The following MAD1L1 variants were observed in gnomAD, a reference collection of about 807,000 sequenced individuals.
MAD1L1 encodes mitotic arrest deficient 1 like 1.
Under a neutral mutation model 96.9 loss-of-function variants are expected in MAD1L1, and 95 were observed. That is an observed-to-expected ratio of 0.98 (90% CI 0.83 to 1.16). MAD1L1 has a LOEUF of 1.16. Among genes scored for constraint, MAD1L1 ranks in the 50% most tolerant of loss-of-function variants. The pLI, the probability that MAD1L1 is intolerant of heterozygous loss-of-function variation, is 0.00. For synonymous variants in MAD1L1, 473 were observed against 396.6 expected, an observed-to-expected ratio of 1.19 and a Z score of -2.29; for missense variants, 1,007 against 954.4, an observed-to-expected ratio of 1.06 and a Z score of -0.73.
intron 18 of MAD1L1, among the ~76,000 whole-genome samples, chr7:1,856,616 T>A (rs1295133592): frequency 6.6e-6 from 1 of 152,084 alleles, no homozygotes; most frequent in African/African-American, 2.4e-5. Flanking sequence ...GATTCATTAA[T>A]AAAGAAAAGT....
intron 10 of MAD1L1, among the ~76,000 whole-genome samples, chr7:2,154,754 GA>G (rs1789741737): frequency 6.6e-6 from 1 of 152,206 alleles, no homozygotes; most frequent in African/African-American, 2.4e-5. Context: ...ATCAGAAAAA[GA>G]AAAGATGAAA....
At chr7:2,009,748 T>G (rs1782206553) in intron 13 of MAD1L1, among the ~76,000 whole-genome samples, 2 of 152,330 alleles carry the variant, frequency 1.3e-5, no homozygotes, top group Middle Eastern at 3.4e-3. Flanking sequence ...GGGGATGCTC[T>G]GAGGGTGGCA....
chr7:1,816,178 T>TGAGA lies in MAD1L1; in HGVS notation c.2045_2048dup (p.His684LeufsTer78), dbSNP rs748958933. ...CCTCGATGAGCTCGCCCACGGTGTG[T>TGAGA]GAGAACTCTGTCTCCAGTAGCTGCA... On this transcript the variant is annotated frameshift_variant, in exon 19 of 19. Transcript: ENST00000265854. LOFTEE classifies it high-confidence loss of function. 1.2e-6 allele frequency: 2 copies of TGAGA among 1,613,450 alleles called. No homozygotes were observed. Among genetic ancestry groups the TGAGA allele is most frequent in the Non-Finnish European group, 1.7e-6 (2 of 1,179,842 alleles).
intron 10 of MAD1L1, among the ~76,000 whole-genome samples, chr7:2,179,539 A>G (rs190422536): frequency 1.0e-3 from 158 of 151,954 alleles, no homozygotes; most frequent in Admixed American, 3.7e-3. Flanking sequence ...AAAAAAAAAA[A>G]AAAAAGAAAA....
At chr7:1,957,923 C>T (rs1429571142) in intron 15 of MAD1L1, among the ~76,000 whole-genome samples, 6 of 152,188 alleles carry the variant, frequency 3.9e-5, no homozygotes, top group Non-Finnish European at 5.9e-5. Context: ...TGGGGGAGTC[C>T]GTGGCGGCCC....
rs185824314 is a variant in MAD1L1, at chr7:2,020,153, C to A, written c.1219-5511G>T. 3.9e-3 allele frequency among the ~76,000 whole-genome samples: 601 copies of A among 152,316 alleles called. 4 individuals are homozygous for A. The highest frequency in any genetic ancestry group is 0.012 in the African/African-American group (498 of 41,582). On this transcript the variant is annotated intron_variant, in intron 12 of 18. Transcript: ENST00000265854. ...CTGGTGCTGCAAACAGAGGAGCCGC[C>A]CAGGCTGCGGCCCTACAGTCCCGGG...
intron 18 of MAD1L1, among the ~76,000 whole-genome samples, chr7:1,895,379 T>G (rs564649075): frequency 9.9e-5 from 15 of 152,166 alleles, no homozygotes; most frequent in Non-Finnish European, 2.1e-4. Flanking sequence ...CAGCTGCACT[T>G]GGGCACCAGC....
At chr7:2,023,684 C>T (rs1372600360) in intron 12 of MAD1L1, among the ~76,000 whole-genome samples, 1 of 152,230 alleles carries the variant, frequency 6.6e-6, no homozygotes, top group Non-Finnish European at 1.5e-5. Flanking sequence ...TACAGTGGCT[C>T]ACGCCTGTTA....
intron 10 of MAD1L1, among the ~76,000 whole-genome samples, chr7:2,191,965 A>G (rs1245611059): frequency 2.0e-5 from 3 of 151,694 alleles, no homozygotes; most frequent in Non-Finnish European, 2.9e-5. Context: ...CGGCTGGCAG[A>G]GGTTGCAGTG....
intron 18 of MAD1L1, among the ~76,000 whole-genome samples, chr7:1,827,315 G>GGCA (rs1242142602): frequency 1.3e-5 from 2 of 152,222 alleles, no homozygotes; most frequent in Admixed American, 1.3e-4. Flanking sequence ...GCAGCGGGCA[G>GGCA]GGAGGACAGG....
chr7:1,817,070 A>C (rs1029069319), intron 18 of MAD1L1: 2 of 152,354 alleles, frequency 1.3e-5, no homozygotes, highest in African/African-American at 4.8e-5. Flanking sequence ...ATTTCTCCAG[A>C]GAAGAGCCAC....
In MAD1L1 at chr7:2,213,235, G is replaced by A; in HGVS notation, c.963C>T (p.Asp321=). ...LAKLQSWERL[D]QTMGLSIRTP... ...ACCTGATGCTCAGGCCCATGGTCTG[G>A]TCCAGTCTCTCCCAGCTTTGCAGCT... Residue 321 remains aspartate, a synonymous_variant, in exon 10 of 19, where the codon GAC becomes GAT. Coordinates refer to ENST00000265854, the MANE Select transcript of MAD1L1 (RefSeq NM_001013836.2). 1 of 1,614,142 alleles carries A rather than the reference G, an allele frequency of 6.2e-7. No homozygotes were observed. The highest frequency in any genetic ancestry group is 8.5e-7 in the Non-Finnish European group (1 of 1,180,040).
intron 16 of MAD1L1, among the ~76,000 whole-genome samples, chr7:1,954,228 G>A (rs1300126267): frequency 2.0e-5 from 3 of 152,144 alleles, no homozygotes; most frequent in Non-Finnish European, 2.9e-5. Flanking sequence ...TATGTGCAGG[G>A]CCCCCCAGGA....
intron 5 of MAD1L1, among the ~76,000 whole-genome samples, chr7:2,220,165 C>G (rs1311791792): frequency 1.3e-5 from 2 of 152,208 alleles, no homozygotes; most frequent in African/African-American, 4.8e-5. Flanking sequence ...GGAGGCTGTG[C>G]AAGGGGCAGG....
At chr7:1,884,109 C>A (rs1032951038) in intron 18 of MAD1L1, among the ~76,000 whole-genome samples, 4 of 152,230 alleles carry the variant, frequency 2.6e-5, no homozygotes, top group Admixed American at 6.5e-5. Flanking sequence ...AGCACTGGGA[C>A]CGCAAGCCAG....
rs537170506 is a variant in MAD1L1, at chr7:1,987,419, G to A, written c.1417-6878C>T. Among the ~76,000 whole-genome samples the A allele has an allele frequency of 4.6e-5, 7 of 152,368 alleles. No homozygotes were observed. The South Asian group carries it at 8.3e-4, about 18-fold the overall frequency. On this transcript the variant is annotated intron_variant, in intron 14 of 18. Transcript: ENST00000265854. ...GCGTGTGTGCGGCCGAGCTCGGAACGGGGAGGTACTGGGGCGGGTCTAAGT... is the reference window on the plus strand; with the variant it reads ...GCGTGTGTGCGGCCGAGCTCGGAACAGGGAGGTACTGGGGCGGGTCTAAGT...
chr7:2,219,426 C>T lies in MAD1L1; in HGVS notation c.502G>A (p.Glu168Lys). 6.2e-7 allele frequency: 1 copy of T among 1,613,620 alleles called. No homozygotes were observed. Among genetic ancestry groups the T allele is most frequent in the Non-Finnish European group, 8.5e-7 (1 of 1,179,860 alleles). ...TINALKGRIS[E>K]LQWSVMDQEM... ...TGGTCCATCACGCTCCACTGCAGTT[C>T]CGAGATCCTCCCCTTCAGTGCGTTG... The change falls in exon 6 of 19, where the codon GAA becomes AAA. Residue 168 changes from glutamate (E) to lysine (K), a missense_variant. Glu to Lys is a moderately conservative substitution (Grantham distance 56, BLOSUM62 1). Transcript: ENST00000265854.
Position 1,979,532 on chromosome 7 carries a change from G to A in MAD1L1, c.1505+921C>T, listed in dbSNP as rs113156986. Among the ~76,000 whole-genome samples, 310 of 152,326 alleles carry A rather than the reference G, an allele frequency of 2.0e-3. 1 individual carries two copies. Among genetic ancestry groups the A allele is most frequent in the African/African-American group, 7.0e-3 (292 of 41,580 alleles). ...CAACACAGGCACCAAAGCGGAGCCC[G>A]GAGCTCCACCTGCATCTGCCTGGAA... On this transcript the variant is annotated intron_variant, in intron 15 of 18. Transcript: ENST00000265854.
At chr7:2,011,205 G>GT (rs1286115653) in intron 13 of MAD1L1, among the ~76,000 whole-genome samples, 3 of 152,020 alleles carry the variant, frequency 2.0e-5, no homozygotes, top group African/African-American at 7.2e-5. Context: ...CACGCGGCAT[G>GT]TGCAGGGTCT....
Sources: gnomAD v4.1 joint callset for allele counts (sites outside exome capture counted in the v4.1 genomes callset) on GRCh38, gnomAD v4.1.1 for gene constraint, MANE v1.5 for transcripts, NCBI Gene and HGNC (gene_info 2026-07-23, HGNC 2026-07-21) for gene names.